Variants in CAMTA1 observed in about 807,000 individuals in gnomAD.
CAMTA1 encodes the protein calmodulin-binding transcription activator 1.
CAMTA1 carries 27 observed loss-of-function variants against 170.9 expected under a neutral mutation model. That is an observed-to-expected ratio of 0.16 (90% confidence interval 0.12 to 0.22). The LOEUF (loss-of-function observed/expected upper bound fraction) is 0.22, where lower values mean the gene tolerates loss of function less well. Among genes scored for constraint, CAMTA1 ranks in the 10% least tolerant of loss-of-function variants. CAMTA1 has a pLI of 1.00. For missense variants in CAMTA1, 1,619 were observed against 2,217.2 expected, an observed-to-expected ratio of 0.73 and a Z score of 5.42; for synonymous variants, 833 against 891.5, an observed-to-expected ratio of 0.93 and a Z score of 1.17.
chr1:7,625,352 C>T (rs748847954), intron 6 of CAMTA1, among the ~76,000 whole-genome samples: 3 of 152,236 alleles, frequency 2.0e-5, no homozygotes, highest in East Asian at 1.9e-4. Context: ...GCATTAGCAG[C>T]GCCTCAGACT....
intron 5 of CAMTA1, among the ~76,000 whole-genome samples, chr1:7,276,303 A>ATATTTTTTTTTTTTT: frequency 4.1e-5 from 1 of 24,228 alleles, no homozygotes; most frequent in Admixed American, 6.5e-4. Context: ...ATATATATAT[A>ATATTTTTTTTTTTTT]TTTTTTTTTT....
intron 5 of CAMTA1, among the ~76,000 whole-genome samples, chr1:7,431,882 A>G (rs535687015): frequency 6.6e-6 from 1 of 152,204 alleles, no homozygotes; most frequent in African/African-American, 2.4e-5. Context: ...CCAAAGTCCT[A>G]TGTCATCTGT....
At chr1:7,110,405 C>T (rs1200306725) in intron 4 of CAMTA1, among the ~76,000 whole-genome samples, 4 of 152,140 alleles carry the variant, frequency 2.6e-5, no homozygotes, top group African/African-American at 7.2e-5. Context: ...GATTAATCCT[C>T]GCAACAGCTC....
chr1:7,499,749 G>A (rs2093944635), intron 6 of CAMTA1, among the ~76,000 whole-genome samples: 1 of 139,130 alleles, frequency 7.2e-6, no homozygotes, highest in Admixed American at 7.1e-5. Flanking sequence ...TGTGTAGAGA[G>A]GATTGTGTGA....
intron 4 of CAMTA1, among the ~76,000 whole-genome samples, chr1:7,109,659 CAA>C (rs566047226): frequency 1.2e-3 from 182 of 152,334 alleles, no homozygotes; most frequent in African/African-American, 3.8e-3. Context: ...GTGCAATCTG[CAA>C]AGAGACATTC....
At chr1:7,389,946 C>G (rs6577440) in intron 5 of CAMTA1, among the ~76,000 whole-genome samples, 36,352 of 152,048 alleles carry the variant, frequency 0.24, 5,045 homozygotes, top group East Asian at 0.53. Context: ...TAGTTTCCCT[C>G]GGATGCTATT....
At position 7,222,246 on chromosome 1, in the gene CAMTA1, A is replaced by C. The variant is rs75585969; in HGVS notation, c.303-27245A>C. ...GTCAGACAGGCCGTGGGACCCTGCA[A>C]GCCTGTCTTTTTCTGTGCTCGTCTG... On this transcript the variant is annotated intron_variant, in intron 4 of 22. Coordinates refer to ENST00000303635, the MANE Select transcript of CAMTA1 (RefSeq NM_015215.4). Among the ~76,000 whole-genome samples, 3 of 152,248 alleles carry C rather than the reference A, an allele frequency of 2.0e-5. No individual in the cohort carries two copies. In the East Asian group the frequency reaches 5.8e-4, roughly 29 times the overall value.
intron 3 of CAMTA1, among the ~76,000 whole-genome samples, chr1:7,088,152 A>G (rs953963897): frequency 2.6e-5 from 4 of 152,208 alleles, no homozygotes; most frequent in African/African-American, 7.2e-5. Context: ...CAACCTGAGC[A>G]CAACAGAGAT....
intron 6 of CAMTA1, among the ~76,000 whole-genome samples, chr1:7,554,967 C>A (rs1179477330): frequency 6.6e-6 from 1 of 151,938 alleles, no homozygotes; most frequent in Non-Finnish European, 1.5e-5. Flanking sequence ...GAGAACAAGA[C>A]TCAGGGAGTT....
At chr1:6,933,044 T>C (rs1039937225) in intron 3 of CAMTA1, among the ~76,000 whole-genome samples, 3 of 152,058 alleles carry the variant, frequency 2.0e-5, no homozygotes, top group Non-Finnish European at 4.4e-5. Context: ...ATCATGCTCA[T>C]GGTGTTGTAT....
chr1:6,838,826 A>G (rs1246858095), intron 3 of CAMTA1, among the ~76,000 whole-genome samples: 1 of 152,154 alleles, frequency 6.6e-6, no homozygotes, highest in Non-Finnish European at 1.5e-5. Flanking sequence ...GTGCGATTAT[A>G]GCTCACTGCA....
intron 5 of CAMTA1, among the ~76,000 whole-genome samples, chr1:7,372,527 C>A (rs1309378098): frequency 6.6e-6 from 1 of 152,230 alleles, no homozygotes; most frequent in African/African-American, 2.4e-5. Context: ...CAGCTGCGGA[C>A]GTAGTGGGCC....
chr1:7,154,026 C>G (rs1278972205), intron 4 of CAMTA1, among the ~76,000 whole-genome samples: 1 of 152,168 alleles, frequency 6.6e-6, no homozygotes, highest in African/African-American at 2.4e-5. Context: ...TACCTGGGGA[C>G]AGTGGGATGG....
At chr1:7,765,324 C>T (rs2097012650) in intron 22 of CAMTA1, among the ~76,000 whole-genome samples, 1 of 152,194 alleles carries the variant, frequency 6.6e-6, no homozygotes, top group Non-Finnish European at 1.5e-5. Context: ...CCCAGCACCC[C>T]ATCTACATCA....
chr1:7,202,073 A>G, intron 4 of CAMTA1, among the ~76,000 whole-genome samples: 1 of 152,142 alleles, frequency 6.6e-6, no homozygotes, highest in South Asian at 2.1e-4. Context: ...ATATGGTGTG[A>G]GATAAGGATT....
At chr1:7,162,858 G>A (rs1237649479) in intron 4 of CAMTA1, among the ~76,000 whole-genome samples, 6 of 152,288 alleles carry the variant, frequency 3.9e-5, no homozygotes, top group Admixed American at 6.5e-5. Flanking sequence ...TGGTGACTCC[G>A]TGGCTGATCT....
At chr1:7,271,451 G>A (rs769706141) in intron 5 of CAMTA1, among the ~76,000 whole-genome samples, 6 of 152,020 alleles carry the variant, frequency 3.9e-5, no homozygotes, top group Non-Finnish European at 7.4e-5. Flanking sequence ...GTAAAGATTC[G>A]AGTGGAAATA....
At position 6,917,374 on chromosome 1, in the gene CAMTA1, G is replaced by A. The variant is rs555541665; in HGVS notation, c.234+92164G>A. Reference sequence around the variant, plus strand: ...GAGAGAGCCAGCTGATGAGATATCTGACTTGGAGAAGCCCAGGGTGGCAAG... The same window carrying A: ...GAGAGAGCCAGCTGATGAGATATCTAACTTGGAGAAGCCCAGGGTGGCAAG... On this transcript the variant is annotated intron_variant, in intron 3 of 22. Transcript: ENST00000303635. Among the ~76,000 whole-genome samples the A allele has an allele frequency of 1.1e-4, 17 of 152,244 alleles. No homozygotes were observed. The East Asian group carries it at 2.9e-3, about 26-fold the overall frequency.
At chr1:7,089,955 TATTTATG>T (rs1641262258) in intron 3 of CAMTA1, among the ~76,000 whole-genome samples, 1 of 152,218 alleles carries the variant, frequency 6.6e-6, no homozygotes, top group African/African-American at 2.4e-5. Context: ...ATCAGCTGCT[TATTTATG>T]ATTTCTTCAG....
Sources: allele counts gnomAD v4.1 joint callset (sites outside exome capture counted in the v4.1 genomes callset), GRCh38; gene constraint gnomAD v4.1.1; transcripts MANE v1.5; gene names NCBI Gene and HGNC (gene_info 2026-07-23, HGNC 2026-07-21).